Variants in KANK1 observed in about 807,000 individuals in gnomAD.
KANK1 encodes KN motif and ankyrin repeat domain-containing protein 1.
KANK1 carries 109 observed loss-of-function variants against 106.2 expected under a neutral mutation model. The observed-to-expected ratio is 1.03, with a 90% CI of 0.88 to 1.20. The LOEUF (loss-of-function observed/expected upper bound fraction) is 1.20, where lower values mean the gene tolerates loss of function less well. Among genes scored for constraint, KANK1 ranks in the 50% most tolerant of loss-of-function variants. The pLI is 0.00. For missense variants in KANK1, 2,399 were observed against 1,710.7 expected (o/e 1.40, Z -7.10); for synonymous variants, 873 against 652.2 (o/e 1.34, Z -5.16).
intron 1 of KANK1, among the ~76,000 whole-genome samples, chr9:529,252 CACATATACACACACACACAG>C (rs1394393695): frequency 2.0e-5 from 3 of 150,976 alleles, no homozygotes; most frequent in Non-Finnish European, 4.4e-5. Flanking sequence ...CACACACACA[CACATATACACACACACACAG>C]ACACACACAC....
chr9:494,405 A>C (rs1157028725), intron 3 of KANK1, among the ~76,000 whole-genome samples: 1 of 152,194 alleles, frequency 6.6e-6, no homozygotes, highest in Non-Finnish European at 1.5e-5. Flanking sequence ...TAGCATTTAT[A>C]CTGGCGGTAT....
chr9:554,299 C>A (rs899478982), intron 1 of KANK1, among the ~76,000 whole-genome samples: 3 of 152,114 alleles, frequency 2.0e-5, no homozygotes, highest in African/African-American at 7.2e-5. Flanking sequence ...GAACCAGGTG[C>A]GCTGATGTCT....
chr9:638,840 T>C (rs1389195798), intron 1 of KANK1, among the ~76,000 whole-genome samples: 1 of 152,198 alleles, frequency 6.6e-6, no homozygotes, highest in African/African-American at 2.4e-5. Flanking sequence ...GCCATTCAAT[T>C]TGACTGTGTT....
At chr9:625,001 A>C (rs141033673) in intron 1 of KANK1, among the ~76,000 whole-genome samples, 167 of 149,772 alleles carry the variant, frequency 1.1e-3, no homozygotes, top group African/African-American at 4.1e-3. Context: ...TTTCTAAATT[A>C]TGAAATGGCA....
chr9:719,365 A>G (rs893139470), intron 3 of KANK1, among the ~76,000 whole-genome samples: 2 of 152,190 alleles, frequency 1.3e-5, no homozygotes. Context: ...GGACTCCATA[A>G]TGAATTGGAA....
At chr9:709,900 A>G (rs1456995752) in intron 2 of KANK1, among the ~76,000 whole-genome samples, 2 of 152,176 alleles carry the variant, frequency 1.3e-5, no homozygotes, top group Non-Finnish European at 2.9e-5. Context: ...TACAGGAGTG[A>G]GCACCGTGCC....
chr9:740,571 G>A (rs559397955), intron 8 of KANK1, among the ~76,000 whole-genome samples: 9 of 152,032 alleles, frequency 5.9e-5, no homozygotes, highest in Non-Finnish European at 1.2e-4. Context: ...GAAGCTTACC[G>A]TTGTTTCTCT....
At chr9:664,747 C>T (rs7042833) in intron 1 of KANK1, among the ~76,000 whole-genome samples, 30,576 of 152,136 alleles carry the variant, frequency 0.2, 3,237 homozygotes, top group East Asian at 0.32. Flanking sequence ...TGAGGAACCT[C>T]TGAAGTGTTT....
chr9:612,971 C>G (rs887018679), intron 1 of KANK1, among the ~76,000 whole-genome samples: 2 of 151,992 alleles, frequency 1.3e-5, no homozygotes, highest in Non-Finnish European at 2.9e-5. Context: ...CAGCAAATAA[C>G]ACTAATGTGT....
Position 745,397 on chromosome 9 carries a change from G to C in KANK1, c.*162G>C. 1.3e-6 allele frequency: 1 copy of C among 786,954 alleles called. No individual in the cohort carries two copies. Among genetic ancestry groups the C allele is most frequent in the Non-Finnish European group, 2.1e-6 (1 of 486,712 alleles). 48.7% of individuals were successfully genotyped at this position (786,954 alleles called of 1,614,324 possible). A position where few individuals can be genotyped will look rare whatever the true frequency, so the allele number is the denominator to read the frequency against. Reference sequence around the variant, plus strand: ...CTGAAGCTTTCACAGTGCAGAGACTGCTAGCCTGGGCACACACACCTCCTT... The same window carrying C: ...CTGAAGCTTTCACAGTGCAGAGACTCCTAGCCTGGGCACACACACCTCCTT... On this transcript the variant is annotated 3_prime_UTR_variant, in exon 12 of 12. Transcript: ENST00000382297.
chr9:534,222 A>T (rs368608987), intron 1 of KANK1, among the ~76,000 whole-genome samples: 32 of 152,230 alleles, frequency 2.1e-4, no homozygotes, highest in African/African-American at 7.2e-4. Flanking sequence ...GGAAATTCAG[A>T]AAATGCAGAA....
intron 1 of KANK1, among the ~76,000 whole-genome samples, chr9:566,961 C>A (rs527606708): frequency 6.6e-6 from 1 of 152,112 alleles, no homozygotes; most frequent in Admixed American, 6.5e-5. Context: ...CTTAGGTTAT[C>A]ATCCAGGTTT....
intron 1 of KANK1, among the ~76,000 whole-genome samples, chr9:518,019 T>C: frequency 6.6e-6 from 1 of 151,658 alleles, no homozygotes; most frequent in East Asian, 1.9e-4. Flanking sequence ...ATTACAGGCA[T>C]GAGCCACCTT....
chr9:724,287 C>T (rs10758839), intron 3 of KANK1, among the ~76,000 whole-genome samples: 52,670 of 151,832 alleles, frequency 0.35, 10,171 homozygotes, highest in Middle Eastern at 0.48. Context: ...CAAAATAATC[C>T]AGTGTGAGTG....
At chr9:573,978 C>G (rs544023938) in intron 1 of KANK1, among the ~76,000 whole-genome samples, 15 of 152,338 alleles carry the variant, frequency 9.8e-5, no homozygotes, top group African/African-American at 3.6e-4. Flanking sequence ...GAGGAGCCAA[C>G]CAGGAGATTA....
intron 3 of KANK1, among the ~76,000 whole-genome samples, chr9:479,847 T>C (rs2058172196): frequency 6.6e-6 from 1 of 152,116 alleles, no homozygotes; most frequent in Non-Finnish European, 1.5e-5. Context: ...AATATTCTCC[T>C]GTCTCTACTT....
intron 2 of KANK1, among the ~76,000 whole-genome samples, chr9:697,397 A>C (rs916145620): frequency 6.6e-6 from 1 of 151,948 alleles, no homozygotes. Context: ...TTGACATTTC[A>C]TGCCACAGAA....
intron 1 of KANK1, among the ~76,000 whole-genome samples, chr9:626,660 G>A (rs1450358297): frequency 6.6e-6 from 1 of 152,176 alleles, no homozygotes; most frequent in East Asian, 1.9e-4. Flanking sequence ...TCTGAGGGCT[G>A]GTTACCACTA....
intron 1 of KANK1, among the ~76,000 whole-genome samples, chr9:617,741 A>G (rs1438914592): frequency 6.6e-6 from 1 of 152,250 alleles, no homozygotes; most frequent in African/African-American, 2.4e-5. Flanking sequence ...CATTCCGATC[A>G]GCAGGCCAGT....
Sources: gnomAD v4.1 joint callset for allele counts (sites outside exome capture counted in the v4.1 genomes callset) on GRCh38, gnomAD v4.1.1 for gene constraint, MANE v1.5 for transcripts, NCBI Gene and HGNC (gene_info 2026-07-23, HGNC 2026-07-21) for gene names.